The following QTMAN variants were observed in gnomAD, a reference collection of about 807,000 sequenced individuals.
QTMAN encodes the protein tRNA-queuosine alpha-mannosyltransferase.
At chr2:144,127,146 A>G in the QTMAN span, among the ~76,000 whole-genome samples, 2 of 151,996 alleles carry the variant, frequency 1.3e-5, no homozygotes, top group Admixed American at 1.3e-4. Context: ...ACAAGCATGA[A>G]GAGAAACAGG....
chr2:144,304,224 G>T, the QTMAN span, among the ~76,000 whole-genome samples: 273 of 152,262 alleles, frequency 1.8e-3, 4 homozygotes, highest in African/African-American at 6.3e-3. Flanking sequence ...TCACACCTTA[G>T]AAATAAGATT....
At chr2:144,048,757 T>A in the QTMAN span, among the ~76,000 whole-genome samples, 1 of 151,736 alleles carries the variant, frequency 6.6e-6, no homozygotes, top group African/African-American at 2.4e-5. Flanking sequence ...CTACCTTATC[T>A]CCCCAACCCC....
At chr2:144,211,762 A>G in the QTMAN span, among the ~76,000 whole-genome samples, 44 of 149,788 alleles carry the variant, frequency 2.9e-4, no homozygotes, top group African/African-American at 1.0e-3. Context: ...AAAGAAAAAG[A>G]AAAAAAAAAC....
At chr2:143,985,112 G>A in the QTMAN span, among the ~76,000 whole-genome samples, 1 of 152,212 alleles carries the variant, frequency 6.6e-6, no homozygotes, top group Admixed American at 6.5e-5. Context: ...GGACAGCAGA[G>A]CTAAAAGAGC....
At chr2:143,968,514 C>T in the QTMAN span, among the ~76,000 whole-genome samples, 1 of 152,212 alleles carries the variant, frequency 6.6e-6, no homozygotes, top group African/African-American at 2.4e-5. Flanking sequence ...CTCTAAATAA[C>T]TCAAGGTCAA....
chr2:144,142,078 C>A, the QTMAN span: 2 of 1,580,146 alleles, frequency 1.3e-6, no homozygotes, highest in African/African-American at 1.3e-5. Flanking sequence ...AAGACAAATG[C>A]AAATGATGAG....
chr2:144,187,756 T>A, the QTMAN span, among the ~76,000 whole-genome samples: 1 of 152,152 alleles, frequency 6.6e-6, no homozygotes, highest in Non-Finnish European at 1.5e-5. Flanking sequence ...ATGATGATGA[T>A]GTAGTGGGTT....
the QTMAN span, among the ~76,000 whole-genome samples, chr2:144,153,608 G>A: frequency 1.3e-4 from 20 of 152,138 alleles, no homozygotes; most frequent in Non-Finnish European, 2.6e-4. Flanking sequence ...GGAGAATGGC[G>A]TGAACCCAGG....
chr2:144,184,727 C>A, the QTMAN span, among the ~76,000 whole-genome samples: 2 of 151,974 alleles, frequency 1.3e-5, no homozygotes, highest in African/African-American at 4.8e-5. Flanking sequence ...TTTTCCAAAG[C>A]CCTTTAAGTA....
At chr2:144,318,787 G>A in the QTMAN span, among the ~76,000 whole-genome samples, 2 of 152,264 alleles carry the variant, frequency 1.3e-5, no homozygotes, top group South Asian at 4.1e-4. Context: ...GTAATCTATG[G>A]TTTATATCTA....
At chr2:144,197,115 T>C in the QTMAN span, among the ~76,000 whole-genome samples, 1 of 152,156 alleles carries the variant, frequency 6.6e-6, no homozygotes, top group Non-Finnish European at 1.5e-5. Flanking sequence ...AGGTTACAAA[T>C]CTGTACAGCA....
At chr2:144,312,209 A>G in the QTMAN span, among the ~76,000 whole-genome samples, 1 of 148,294 alleles carries the variant, frequency 6.7e-6, no homozygotes, top group Admixed American at 6.7e-5. Context: ...TTGAATAAAG[A>G]CAAGAGTCTC....
the QTMAN span, among the ~76,000 whole-genome samples, chr2:144,292,362 TC>T: frequency 1.3e-5 from 2 of 152,128 alleles, no homozygotes; most frequent in African/African-American, 4.8e-5. Flanking sequence ...TCCCAAATCT[TC>T]CCCCATCATT....
At chr2:143,966,982 A>T in the QTMAN span, among the ~76,000 whole-genome samples, 1 of 152,246 alleles carries the variant, frequency 6.6e-6, no homozygotes, top group Non-Finnish European at 1.5e-5. Context: ...AGAGTAATCA[A>T]TGGTCCTGCA....
the QTMAN span, among the ~76,000 whole-genome samples, chr2:143,981,279 A>G: frequency 3.3e-5 from 5 of 152,318 alleles, no homozygotes; most frequent in African/African-American, 9.6e-5. Flanking sequence ...CTGAATAGAG[A>G]CATTTATATT....
At chr2:144,038,506 T>G in the QTMAN span, among the ~76,000 whole-genome samples, 78 of 152,298 alleles carry the variant, frequency 5.1e-4, no homozygotes, top group African/African-American at 1.9e-3. Context: ...TTAAACAGTT[T>G]ATTCACTATT....
the QTMAN span, among the ~76,000 whole-genome samples, chr2:144,167,457 T>C: frequency 6.6e-6 from 1 of 152,068 alleles, no homozygotes; most frequent in Non-Finnish European, 1.5e-5. Flanking sequence ...CCCACCCAAA[T>C]CTCACCTTGA....
At chr2:144,253,011 C>A in the QTMAN span, among the ~76,000 whole-genome samples, 1 of 152,236 alleles carries the variant, frequency 6.6e-6, no homozygotes, top group South Asian at 2.1e-4. Flanking sequence ...TTATAGTTCC[C>A]ATAATCCCCA....
chr2:143,991,133 T>C, the QTMAN span, among the ~76,000 whole-genome samples: 1 of 151,698 alleles, frequency 6.6e-6, no homozygotes, highest in Admixed American at 6.6e-5. Flanking sequence ...ATAAGAAATA[T>C]CCAGATCCAG....
Sources: allele counts gnomAD v4.1 joint callset (sites outside exome capture counted in the v4.1 genomes callset), GRCh38; gene constraint gnomAD v4.1.1; transcripts MANE v1.5; gene names NCBI Gene and HGNC (gene_info 2026-07-23, HGNC 2026-07-21).